Variants in SCAF11 observed in about 807,000 individuals in gnomAD.
SCAF11 encodes protein SCAF11.
SCAF11 carries 47 observed loss-of-function variants against 140.5 expected under a neutral mutation model. That is an observed-to-expected ratio of 0.33 (90% CI 0.26 to 0.43). The LOEUF is 0.43. Among genes scored for constraint, SCAF11 ranks in the 20% least tolerant of loss-of-function variants. SCAF11 has a pLI of 1.00. For synonymous variants in SCAF11, 557 were observed against 579.4 expected, an observed-to-expected ratio of 0.96 and a Z score of 0.55; for missense variants, 1,645 against 1,705.1, an observed-to-expected ratio of 0.96 and a Z score of 0.62.
intron 4 of SCAF11, among the ~76,000 whole-genome samples, chr12:45,950,666 T>C (rs1945528756): frequency 6.6e-6 from 1 of 152,214 alleles, no homozygotes; most frequent in Non-Finnish European, 1.5e-5. Flanking sequence ...GGCAAAGTTA[T>C]ACAATTACAA....
intron 2 of SCAF11, among the ~76,000 whole-genome samples, chr12:45,963,112 A>G (rs1945863787): frequency 6.6e-6 from 1 of 152,246 alleles, no homozygotes. Flanking sequence ...AATATAAGAC[A>G]TAGCCTGTGA....
intron 1 of SCAF11, among the ~76,000 whole-genome samples, chr12:45,972,679 A>G (rs1946105437): frequency 6.7e-6 from 1 of 149,840 alleles, no homozygotes. Flanking sequence ...TTGTAACATA[A>G]TATTCAAAAT....
intron 1 of SCAF11, among the ~76,000 whole-genome samples, chr12:45,979,543 G>A (rs1946305489): frequency 6.6e-6 from 1 of 152,048 alleles, no homozygotes; most frequent in Admixed American, 6.5e-5. Flanking sequence ...CTCTTTCGTT[G>A]GTTTCTTGAG....
intron 10 of SCAF11, 130 bp downstream of exon 10, chr12:45,931,376 A>T: frequency 2.2e-6 from 1 of 461,278 alleles, no homozygotes; most frequent in Non-Finnish European, 3.8e-6. Context: ...CCAAATATTT[A>T]TAGACGTATT....
chr12:45,990,857 C>A (rs1282392270), upstream of SCAF11, among the ~76,000 whole-genome samples: 1 of 152,220 alleles, frequency 6.6e-6, no homozygotes, highest in Non-Finnish European at 1.5e-5. Context: ...GCTGGAGGGG[C>A]CTTCTGGGAA....
At chr12:45,923,712 T>G (rs1265770830) in intron 12 of SCAF11, among the ~76,000 whole-genome samples, 1 of 152,174 alleles carries the variant, frequency 6.6e-6, no homozygotes, top group Non-Finnish European at 1.5e-5. Flanking sequence ...AGACGAAGTC[T>G]CACTCTGTCT....
intron 3 of SCAF11, among the ~76,000 whole-genome samples, chr12:45,958,540 T>C (rs184809332): frequency 6.1e-4 from 93 of 152,358 alleles, no homozygotes; most frequent in Admixed American, 4.9e-3. Context: ...TCAGCCTTCC[T>C]TAATGTCAAT....
At chr12:45,958,374 G>GT (rs1945748676) in intron 3 of SCAF11, among the ~76,000 whole-genome samples, 1 of 152,126 alleles carries the variant, frequency 6.6e-6, no homozygotes, top group Non-Finnish European at 1.5e-5. Context: ...AGTATATATT[G>GT]TTTTTGCCCA....
intron 1 of SCAF11, chr12:45,974,219 C>T (rs1241151890): frequency 8.5e-6 from 4 of 470,774 alleles, no homozygotes; most frequent in African/African-American, 8.0e-5. Flanking sequence ...ACAATCATCT[C>T]AGCAAGGCTT....
intron 12 of SCAF11, among the ~76,000 whole-genome samples, chr12:45,924,399 C>T (rs1226002207): frequency 1.3e-5 from 2 of 152,038 alleles, no homozygotes; most frequent in Non-Finnish European, 2.9e-5. Context: ...CAGTGCAAAA[C>T]AGGGGAAAAA....
chr12:45,979,402 T>C (rs1946302996), intron 1 of SCAF11, among the ~76,000 whole-genome samples: 1 of 151,980 alleles, frequency 6.6e-6, no homozygotes, highest in African/African-American at 2.4e-5. Flanking sequence ...ATGGATTTAA[T>C]AGGAAAAAAG....
chr12:45,986,615 T>C (rs540243482), intron 1 of SCAF11, among the ~76,000 whole-genome samples: 1 of 149,676 alleles, frequency 6.7e-6, no homozygotes, highest in African/African-American at 2.4e-5. Flanking sequence ...ATAAGATAGT[T>C]ATACTGCTTG....
intron 3 of SCAF11, among the ~76,000 whole-genome samples, chr12:45,960,132 C>A (rs1439827681): frequency 1.3e-5 from 2 of 152,130 alleles, no homozygotes; most frequent in Non-Finnish European, 2.9e-5. Flanking sequence ...GCATCATCTA[C>A]AACCCGTAAT....
At chr12:45,956,296 ATCTC>A in intron 3 of SCAF11, 1 of 635,310 alleles carries the variant, frequency 1.6e-6, no homozygotes, top group South Asian at 1.8e-5. Context: ...TCGAACATCT[ATCTC>A]TCTACTAACA....
In SCAF11 at chr12:45,928,605, T is replaced by C. The variant is rs372920630; in HGVS notation, c.1096A>G (p.Lys366Glu). The C allele has an allele frequency of 1.2e-5, 19 of 1,614,076 alleles. No individual in the cohort carries two copies. The highest frequency in any genetic ancestry group is 1.4e-5 in the Non-Finnish European group (17 of 1,180,028). ...LSVPSSAESE[K>E]QTRQAPKRKS... ...CGTTTTGGAGCCTGTCTTGTTTGCT[T>C]TTCTGACTCAGCTGAAGAGGGAACA... Residue 366 changes from lysine to glutamate, a missense_variant, in exon 11 of 15, where the codon AAG (lysine) becomes GAG (glutamate). Lys to Glu is a moderately conservative substitution (Grantham distance 56). Around this residue, in one of 2 missense-constraint regions of SCAF11, gnomAD observed 1,582 missense variants for 1,609.2 expected, o/e 0.98. Coordinates refer to ENST00000369367, the MANE Select transcript of SCAF11 (RefSeq NM_004719.3).
rs779296899 is a variant in SCAF11, at chr12:45,945,863, AT to A, written c.399-551del. Reference sequence around the variant, plus strand: ...ATTTTTTATTCTTATTCTTATTATTATTTTTTTTACTAGACACGAGGTCTCA... The same window carrying A: ...ATTTTTTATTCTTATTCTTATTATTATTTTTTTACTAGACACGAGGTCTCA... On this transcript the variant is annotated intron_variant, in intron 5 of 14. Transcript: ENST00000369367. 1.3e-5 allele frequency among the ~76,000 whole-genome samples: 2 copies of A among 150,922 alleles called. 1 individual carries two copies. Among genetic ancestry groups the A allele is most frequent in the South Asian group, 4.2e-4 (2 of 4,782 alleles).
intron 3 of SCAF11, among the ~76,000 whole-genome samples, chr12:45,956,581 G>A (rs1370667894): frequency 1.3e-5 from 2 of 152,074 alleles, no homozygotes; most frequent in Admixed American, 1.3e-4. Flanking sequence ...CAGCATTCAG[G>A]AGTGTATCCC....
In SCAF11 at chr12:45,922,055, A is replaced by C; in HGVS notation, c.4385T>G (p.Ile1462Arg). Residue 1462 changes from isoleucine to arginine, a missense_variant, in exon 15 of 15, where the codon ATA becomes AGA. Ile to Arg is a moderately conservative substitution (Grantham distance 97, BLOSUM62 -3). Transcript: ENST00000369367. ...TTGACAGCGTTCCCCATTTCAGCCTATGTTTTTTTCAGTAGACACAGGTTC... is the reference window on the plus strand; with the variant it reads ...TTGACAGCGTTCCCCATTTCAGCCTCTGTTTTTTTCAGTAGACACAGGTTC... ...LEEPVSTEKN[I>R]G is the part of the protein sequence containing the mutation. 1 of 1,609,830 alleles carries C rather than the reference A, an allele frequency of 6.2e-7. No homozygotes were observed. Among genetic ancestry groups the C allele is most frequent in the Non-Finnish European group, 8.5e-7 (1 of 1,178,980 alleles).
At chr12:45,950,377 C>T (rs1945522608) in intron 4 of SCAF11, among the ~76,000 whole-genome samples, 1 of 152,110 alleles carries the variant, frequency 6.6e-6, no homozygotes, top group South Asian at 2.1e-4. Flanking sequence ...CCAAGAAATA[C>T]CTTTTAAGTT....
Sources: allele counts gnomAD v4.1 joint callset (sites outside exome capture counted in the v4.1 genomes callset), GRCh38; gene constraint gnomAD v4.1.1; regional missense constraint gnomAD v4.1.1; transcripts MANE v1.5; gene names NCBI Gene and HGNC (gene_info 2026-07-23, HGNC 2026-07-21).